The following RAP1GAP2 variants were observed in gnomAD, a reference collection of about 807,000 sequenced individuals.
RAP1GAP2 encodes rap1 GTPase-activating protein 2.
RAP1GAP2 carries 27 observed loss-of-function variants against 95.0 expected under a neutral mutation model. That is an observed-to-expected ratio of 0.28 (90% CI 0.21 to 0.39). The LOEUF (loss-of-function observed/expected upper bound fraction) is 0.39, where lower values mean the gene tolerates loss of function less well. Ranked by LOEUF, RAP1GAP2 falls within the 10% of genes least tolerant of loss-of-function variation. The pLI is 1.00. For missense variants in RAP1GAP2, 771 were observed against 970.0 expected, an observed-to-expected ratio of 0.79 and a Z score of 2.72; for synonymous variants, 373 against 380.9, an observed-to-expected ratio of 0.98 and a Z score of 0.24.
At chr17:2,998,994 C>T (rs1366507261) in intron 14 of RAP1GAP2, among the ~76,000 whole-genome samples, 1 of 152,174 alleles carries the variant, frequency 6.6e-6, no homozygotes, top group Non-Finnish European at 1.5e-5. Flanking sequence ...ACCCTGGCCA[C>T]TGGGTAAGGC....
Position 3,030,924 on chromosome 17 carries a change from G to T in RAP1GAP2, c.2110G>T (p.Ala704Ser). ...PIIMSRSPTDAKSRNSPRSNL... is the reference protein window; with the variant it reads ...PIIMSRSPTDSKSRNSPRSNL... ...TTCATGGCCGTTCTTTTTCTTAGATGCCAAAAGCAGAAACTCCCCGAGATC... is the reference window on the plus strand; with the variant it reads ...TTCATGGCCGTTCTTTTTCTTAGATTCCAAAAGCAGAAACTCCCCGAGATC... The change falls in exon 23 of 25, where the codon GCC (alanine) becomes TCC (serine). Residue 704 changes from alanine to serine, a missense_variant and splice_region_variant. Transcript: ENST00000254695. 6.2e-7 allele frequency: 1 copy of T among 1,606,546 alleles called. No homozygotes were observed. Among genetic ancestry groups the T allele is most frequent in the African/African-American group, 1.3e-5 (1 of 74,800 alleles).
intron 2 of RAP1GAP2, chr17:2,854,118 G>T: frequency 2.0e-6 from 2 of 985,442 alleles, no homozygotes. Flanking sequence ...CCCCTGCAGC[G>T]CCGGCCGCTT....
rs1284661806 is a variant in RAP1GAP2, at chr17:3,034,881, G to A, written c.*1520G>A. The A allele has an allele frequency of 6.6e-6, 1 of 152,254 alleles. No homozygotes were observed. Among genetic ancestry groups the A allele is most frequent in the African/African-American group, 2.4e-5 (1 of 41,446 alleles). 9.4% of individuals were successfully genotyped at this position (152,254 alleles called of 1,614,324 possible). A position where few individuals can be genotyped will look rare whatever the true frequency, so the allele number is the denominator to read the frequency against. On this transcript the variant is annotated 3_prime_UTR_variant, in exon 25 of 25. Coordinates refer to ENST00000254695, the MANE Select transcript of RAP1GAP2 (RefSeq NM_015085.5). The surrounding 1 kb of genome is among the most constrained non-coding windows in gnomAD (Gnocchi z 5.1). ...CAGACGGGGCTGCAGAGTGACACTGGCTGGGCACCTGCCCCACGACCAATG... is the reference window on the plus strand; with the variant it reads ...CAGACGGGGCTGCAGAGTGACACTGACTGGGCACCTGCCCCACGACCAATG...
chr17:2,779,451 C>A (rs2068585262), intron 1 of RAP1GAP2, among the ~76,000 whole-genome samples: 1 of 152,198 alleles, frequency 6.6e-6, no homozygotes, highest in African/African-American at 2.4e-5. Flanking sequence ...GGTCATAGGA[C>A]CTGGGGCTCA....
rs532393489 is a variant in RAP1GAP2, at chr17:3,003,268, C to G, written c.1201-2101C>G. On this transcript the variant is annotated intron_variant, in intron 14 of 24. Transcript: ENST00000254695. The surrounding 1 kb of genome is among the most constrained non-coding windows in gnomAD (Gnocchi z 4.1). ...TTGGCTCCACGGAGTCGGGTGTGCA[C>G]GAAGCATCACTCTGGATTATTTTTC... Among the ~76,000 whole-genome samples, 7 of 152,230 alleles carry G rather than the reference C, an allele frequency of 4.6e-5. No individual in the cohort carries two copies. The South Asian group carries it at 1.2e-3, about 27-fold the overall frequency.
chr17:2,787,125 G>C (rs1245702334), intron 1 of RAP1GAP2, among the ~76,000 whole-genome samples: 1 of 150,562 alleles, frequency 6.6e-6, no homozygotes, highest in Non-Finnish European at 1.5e-5. Context: ...TAGTTTTGTA[G>C]TTTTTAGTAG....
At chr17:2,862,394 G>A (rs942035176) in intron 2 of RAP1GAP2, among the ~76,000 whole-genome samples, 4 of 152,156 alleles carry the variant, frequency 2.6e-5, no homozygotes, top group African/African-American at 9.7e-5. Flanking sequence ...TTACCAGGAT[G>A]TTGCCAAATA....
upstream of RAP1GAP2, among the ~76,000 whole-genome samples, chr17:2,792,843 G>A (rs1378875001): frequency 6.6e-6 from 1 of 152,232 alleles, no homozygotes; most frequent in Non-Finnish European, 1.5e-5. Context: ...AGATGTCTGT[G>A]CCTGGGCCGG....
intron 2 of RAP1GAP2, among the ~76,000 whole-genome samples, chr17:2,832,366 G>A (rs1370916724): frequency 6.6e-6 from 1 of 150,782 alleles, no homozygotes; most frequent in Non-Finnish European, 1.5e-5. Flanking sequence ...AGATCATCCT[G>A]GCTAAAACGG....
intron 14 of RAP1GAP2, among the ~76,000 whole-genome samples, chr17:3,001,381 G>A (rs1385859315): frequency 1.6e-5 from 2 of 122,994 alleles, no homozygotes; most frequent in Non-Finnish European, 3.4e-5. Context: ...AGTGAGGCTC[G>A]TGGAGGTAAC....
intron 2 of RAP1GAP2, among the ~76,000 whole-genome samples, chr17:2,873,887 C>T (rs574466968): frequency 2.8e-4 from 43 of 152,004 alleles, no homozygotes; most frequent in South Asian, 2.7e-3. Context: ...CTCAGCCTCC[C>T]GAGTAGCTGG....
chr17:3,031,815 G>C (rs1260302131), intron 23 of RAP1GAP2, among the ~76,000 whole-genome samples: 2 of 149,338 alleles, frequency 1.3e-5, no homozygotes, highest in Non-Finnish European at 3.0e-5. Context: ...TGGTTCCTGG[G>C]TCCCCCAGTC....
In RAP1GAP2 at chr17:3,022,068, T is replaced by C. The variant is rs77705431; in HGVS notation, c.1751+1473T>C. ...TGTTTTGAGGAACCTCCAAACACTGTAGTGTCTGTAGTGGCTATGCTAATT... is the reference window on the plus strand; with the variant it reads ...TGTTTTGAGGAACCTCCAAACACTGCAGTGTCTGTAGTGGCTATGCTAATT... On this transcript the variant is annotated intron_variant, in intron 19 of 24. Coordinates refer to ENST00000254695, the MANE Select transcript of RAP1GAP2 (RefSeq NM_015085.5). Among the ~76,000 whole-genome samples the C allele has an allele frequency of 1.7e-3, 261 of 152,322 alleles. 5 individuals carry two copies. In the East Asian group the frequency reaches 0.042, roughly 25 times the overall value.
intron 2 of RAP1GAP2, among the ~76,000 whole-genome samples, chr17:2,894,148 A>C (rs570458195): frequency 2.0e-5 from 3 of 150,658 alleles, no homozygotes; most frequent in Admixed American, 2.0e-4. Flanking sequence ...TAGGCTGGGC[A>C]TGGTGGCCCA....
At chr17:2,972,853 C>T (rs768828058) in intron 8 of RAP1GAP2, among the ~76,000 whole-genome samples, 5 of 152,084 alleles carry the variant, frequency 3.3e-5, no homozygotes, top group South Asian at 2.1e-4. Context: ...TAATATATGC[C>T]GGACTTTGTC....
chr17:2,921,393 G>T (rs1024590652), intron 3 of RAP1GAP2, among the ~76,000 whole-genome samples: 1 of 152,028 alleles, frequency 6.6e-6, no homozygotes, highest in Admixed American at 6.6e-5. Flanking sequence ...AGTAGAGACG[G>T]TGTTTTGCCA....
chr17:2,965,486 C>T lies in RAP1GAP2; in HGVS notation c.493-54C>T, dbSNP rs2044551246. 7.3e-7 allele frequency: 1 copy of T among 1,377,236 alleles called. No individual in the cohort carries two copies. The highest frequency in any genetic ancestry group is 1.4e-5 in the African/African-American group (1 of 70,076). 85.3% of individuals were successfully genotyped at this position (1,377,236 alleles called of 1,614,324 possible). A position where few individuals can be genotyped will look rare whatever the true frequency, so the allele number is the denominator to read the frequency against. On this transcript the variant is annotated intron_variant, in intron 7 of 24. Coordinates refer to ENST00000254695, the MANE Select transcript of RAP1GAP2 (RefSeq NM_015085.5). This position sits in a 1 kb window ranked among gnomAD's most constrained non-coding sequence, Gnocchi z 4.7. Reference sequence around the variant, plus strand: ...GGTGAAGGAGGTGGTTTAGGGGGAACATACCTGGAAGGTTTCTTCCTCCTT... The same window carrying T: ...GGTGAAGGAGGTGGTTTAGGGGGAATATACCTGGAAGGTTTCTTCCTCCTT...
At chr17:2,949,658 G>A (rs185736872) in intron 3 of RAP1GAP2, among the ~76,000 whole-genome samples, 44 of 130,128 alleles carry the variant, frequency 3.4e-4, no homozygotes, top group African/African-American at 9.8e-4. Flanking sequence ...AGCATTAACT[G>A]AGTGCCTTCT....
At chr17:2,809,020 T>C (rs925465843) in intron 2 of RAP1GAP2, among the ~76,000 whole-genome samples, 1 of 152,052 alleles carries the variant, frequency 6.6e-6, no homozygotes, top group African/African-American at 2.4e-5. Flanking sequence ...AGCCGGTGGT[T>C]GGCTTGATTT....
Sources: allele counts gnomAD v4.1 joint callset (sites outside exome capture counted in the v4.1 genomes callset), GRCh38; gene constraint gnomAD v4.1.1; non-coding constraint Gnocchi (gnomAD v3.1); transcripts MANE v1.5; gene names NCBI Gene and HGNC (gene_info 2026-07-23, HGNC 2026-07-21).